Variants in RBFOX1 observed in about 807,000 individuals in gnomAD.
RBFOX1 encodes the protein RNA binding protein fox-1 homolog 1.
A neutral mutation model predicts 57.7 loss-of-function variants in RBFOX1; 8 were observed. That is an observed-to-expected ratio of 0.14 (90% confidence interval 0.08 to 0.25). The LOEUF (loss-of-function observed/expected upper bound fraction) is 0.25. Ranked by LOEUF, RBFOX1 falls within the 10% of genes least tolerant of loss-of-function variation. The probability of loss-of-function intolerance (pLI) is 1.00; values close to 1 mark genes in which losing one functional copy is unlikely to be tolerated. For synonymous variants in RBFOX1, 326 were observed against 222.4 expected (o/e 1.47, Z -4.15); for missense variants, 611 against 548.5 (o/e 1.11, Z -1.14).
rs535777308 is a variant in RBFOX1, at chr16:6,827,473, C to T, written c.-16+172823C>T. Among the ~76,000 whole-genome samples the T allele has an allele frequency of 3.3e-5, 5 of 152,214 alleles. 1 individual carries two copies. The East Asian group carries it at 7.7e-4, about 23-fold the overall frequency. ...TCAGTATGATGACAGCTGGTGACTT[C>T]CTGAGGGTTATTCATCACACTTCAG... is the stretch of plus-strand genomic sequence containing the variant. On this transcript the variant is annotated intron_variant, in intron 3 of 15. Transcript: ENST00000550418.
chr16:6,875,047 T>C (rs898487897), intron 3 of RBFOX1, among the ~76,000 whole-genome samples: 1 of 152,186 alleles, frequency 6.6e-6, no homozygotes, highest in Non-Finnish European at 1.5e-5. Flanking sequence ...GGAGCAAGTG[T>C]GGTCAAGAAC....
chr16:7,537,481 T>C (rs897386127), intron 5 of RBFOX1, among the ~76,000 whole-genome samples: 1 of 151,806 alleles, frequency 6.6e-6, no homozygotes, highest in Non-Finnish European at 1.5e-5. Flanking sequence ...AAGTCTGACT[T>C]AGTAATATGT....
chr16:6,992,752 A>G (rs1480532018), intron 3 of RBFOX1, among the ~76,000 whole-genome samples: 1 of 149,440 alleles, frequency 6.7e-6, no homozygotes, highest in African/African-American at 2.5e-5. Context: ...CACATGATCT[A>G]CCCAAGGTCA....
At chr16:5,597,540 C>T (rs980986173) in intron 2 of RBFOX1, among the ~76,000 whole-genome samples, 1 of 151,784 alleles carries the variant, frequency 6.6e-6, no homozygotes, top group South Asian at 2.1e-4. Flanking sequence ...GCTGAGATTA[C>T]AGGTGCCCGC....
chr16:7,273,256 TC>T (rs1567986242), intron 4 of RBFOX1, among the ~76,000 whole-genome samples: 1 of 135,116 alleles, frequency 7.4e-6, no homozygotes, highest in African/African-American at 2.9e-5. Context: ...CTTCCTTCCT[TC>T]CTTCCTCCCT....
chr16:6,263,264 C>T (rs767083510), intron 1 of RBFOX1, among the ~76,000 whole-genome samples: 3 of 152,154 alleles, frequency 2.0e-5, no homozygotes, highest in Non-Finnish European at 4.4e-5. Flanking sequence ...TTCTTAGTCA[C>T]CCCAGTCTTA....
intron 1 of RBFOX1, among the ~76,000 whole-genome samples, chr16:5,377,698 G>C (rs746940465): frequency 1.3e-5 from 2 of 151,410 alleles, no homozygotes; most frequent in South Asian, 2.1e-4. Context: ...GGTCCCAGGG[G>C]AAGGCGTGCA....
At chr16:6,895,788 G>A (rs914461188) in intron 3 of RBFOX1, among the ~76,000 whole-genome samples, 4 of 151,960 alleles carry the variant, frequency 2.6e-5, no homozygotes, top group East Asian at 1.9e-4. Context: ...TCCCAGCTCT[G>A]CCACTTCCCG....
chr16:5,900,420 T>G (rs2058278820), intron 4 of RBFOX1, among the ~76,000 whole-genome samples: 1 of 152,026 alleles, frequency 6.6e-6, no homozygotes, highest in Non-Finnish European at 1.5e-5. Flanking sequence ...AAAGAGAAAA[T>G]TCCCCAAACA....
In RBFOX1 at chr16:7,710,814, A is replaced by T. The variant is rs2083895104; in HGVS notation, c.*69A>T. ...CTTTCCGAGGCCTGAGTATTGCAAT[A>T]CATGCAGTAGTACATCATTTTAGCA... On this transcript the variant is annotated 3_prime_UTR_variant, in exon 16 of 16. Coordinates refer to ENST00000550418, the MANE Select transcript of RBFOX1 (RefSeq NM_018723.4). The T allele has an allele frequency of 1.5e-6, 2 of 1,360,932 alleles. No homozygotes were observed. Among genetic ancestry groups the T allele is most frequent in the East Asian group, 2.6e-5 (1 of 37,942 alleles). 84.3% of individuals were successfully genotyped at this position (1,360,932 alleles called of 1,614,324 possible).
intron 3 of RBFOX1, among the ~76,000 whole-genome samples, chr16:6,896,080 C>T (rs1033242172): frequency 1.3e-5 from 2 of 152,092 alleles, no homozygotes; most frequent in African/African-American, 2.4e-5. Context: ...TGGGACCAAC[C>T]TGGCCAACAT....
chr16:6,464,322 G>A (rs903195397), intron 2 of RBFOX1, among the ~76,000 whole-genome samples: 10 of 152,258 alleles, frequency 6.6e-5, no homozygotes, highest in East Asian at 5.8e-4. Flanking sequence ...CTGCTTTTAC[G>A]AAAAGATATA....
chr16:5,355,593 A>G (rs914885753), intron 1 of RBFOX1, among the ~76,000 whole-genome samples: 2 of 152,144 alleles, frequency 1.3e-5, no homozygotes, highest in African/African-American at 4.8e-5. Flanking sequence ...TCCTTGATGT[A>G]ATTAGGAAGA....
At chr16:6,136,257 C>T (rs1438275661) in intron 1 of RBFOX1, among the ~76,000 whole-genome samples, 1 of 152,160 alleles carries the variant, frequency 6.6e-6, no homozygotes, top group African/African-American at 2.4e-5. Flanking sequence ...TCCTGCCCTC[C>T]TCCGGCAGGG....
intron 2 of RBFOX1, among the ~76,000 whole-genome samples, chr16:6,468,621 T>G (rs2153076577): frequency 6.6e-6 from 1 of 152,308 alleles, no homozygotes; most frequent in African/African-American, 2.4e-5. Context: ...ATGACTTTTT[T>G]TTTTTGCCTT....
intron 4 of RBFOX1, among the ~76,000 whole-genome samples, chr16:7,345,450 G>T (rs1209095350): frequency 6.6e-6 from 1 of 152,176 alleles, no homozygotes; most frequent in Admixed American, 6.5e-5. Context: ...GGGGCTTAAG[G>T]ATTCTAATGA....
rs530280775 is a variant in RBFOX1, at chr16:5,918,721, A to G, written c.351+51386A>G. On this transcript the variant is annotated intron_variant, in intron 4 of 19. Coordinates refer to the RBFOX1 transcript ENST00000641259. Reference sequence around the variant, plus strand: ...ACTCCAGAGTTACAAAGTACCCACTAGGACTGTGAATTTGCATAAGACTTC... The same window carrying G: ...ACTCCAGAGTTACAAAGTACCCACTGGGACTGTGAATTTGCATAAGACTTC... Among the ~76,000 whole-genome samples, 3 of 152,346 alleles carry G rather than the reference A, an allele frequency of 2.0e-5. No homozygotes were observed. In the East Asian group the frequency reaches 5.8e-4, roughly 29 times the overall value.
rs1485556847 is a variant in RBFOX1 at position 5,946,632 on chromosome 16, G to A, written c.351+79297G>A. 9.9e-5 allele frequency among the ~76,000 whole-genome samples: 15 copies of A among 152,248 alleles called. No individual in the cohort carries two copies. The highest frequency in any genetic ancestry group is 2.1e-4 in the South Asian group (1 of 4,812). ...AGTAATTTCCTAAATTCTGTGAGCC[G>A]TGCTAGGCAACTATTGAACCAGAGA... On this transcript the variant is annotated intron_variant, in intron 4 of 19. Transcript: ENST00000641259. This position sits in a 1 kb window ranked among gnomAD's most constrained non-coding sequence, Gnocchi z 4.6.
intron 1 of RBFOX1, among the ~76,000 whole-genome samples, chr16:5,440,813 G>T (rs1021915062): frequency 5.3e-5 from 8 of 152,156 alleles, no homozygotes; most frequent in African/African-American, 1.9e-4. Flanking sequence ...CTCATGAGCT[G>T]GGAGGGATTC....
Sources: gnomAD v4.1 joint callset for allele counts (sites outside exome capture counted in the v4.1 genomes callset) on GRCh38, gnomAD v4.1.1 for gene constraint, Gnocchi (gnomAD v3.1) non-coding constraint, MANE v1.5 for transcripts, NCBI Gene and HGNC (gene_info 2026-07-23, HGNC 2026-07-21) for gene names.